TEK: variants seen among roughly 807,000 people sequenced by gnomAD.
TEK encodes TEK receptor tyrosine kinase.
TEK carries 43 observed loss-of-function variants against 131.8 expected under a neutral mutation model. That is an observed-to-expected ratio of 0.33 (90% confidence interval 0.26 to 0.42). The LOEUF (loss-of-function observed/expected upper bound fraction) is 0.42, where lower values mean the gene tolerates loss of function less well. TEK is among the 10% of genes least tolerant of loss of function. The pLI, the probability that TEK is intolerant of heterozygous loss-of-function variation, is 1.00. For synonymous variants in TEK, 580 were observed against 491.6 expected, an observed-to-expected ratio of 1.18 and a Z score of -2.38; for missense variants, 1,162 against 1,384.4, an observed-to-expected ratio of 0.84 and a Z score of 2.55.
At chr9:27,183,718 G>C (rs1824487463) in intron 8 of TEK, 108 bp downstream of exon 8, 4 of 1,443,898 alleles carry the variant, frequency 2.8e-6, no homozygotes, top group East Asian at 2.3e-5. Context: ...TCCTAGGCTA[G>C]TGTGTTGTTG....
intron 10 of TEK, 93 bp downstream of exon 10, chr9:27,190,783 A>G (rs1586992171): frequency 6.5e-6 from 10 of 1,528,496 alleles, no homozygotes; most frequent in Middle Eastern, 1.7e-4. Flanking sequence ...CCCTGCCTCA[A>G]TCCTCTACCT....
chr9:27,164,872 C>G (rs1159888515), intron 2 of TEK, among the ~76,000 whole-genome samples: 3 of 152,148 alleles, frequency 2.0e-5, no homozygotes, highest in African/African-American at 7.2e-5. Flanking sequence ...TATAACAGCA[C>G]TTGGTCCATA....
chr9:27,169,794 T>C (rs1309133446), intron 4 of TEK, among the ~76,000 whole-genome samples, 165 bp downstream of exon 4: 2 of 152,242 alleles, frequency 1.3e-5, no homozygotes, highest in East Asian at 3.8e-4. Flanking sequence ...GAATAAGAGA[T>C]AGCAATCATT....
chr9:27,146,096 C>A (rs955376380), intron 1 of TEK, among the ~76,000 whole-genome samples: 7 of 152,098 alleles, frequency 4.6e-5, no homozygotes, highest in Non-Finnish European at 8.8e-5. Flanking sequence ...CTTTATATTT[C>A]AAGGCTCATG....
intron 11 of TEK, among the ~76,000 whole-genome samples, chr9:27,192,857 G>A (rs1323100111): frequency 6.6e-6 from 1 of 152,164 alleles, no homozygotes; most frequent in Non-Finnish European, 1.5e-5. Flanking sequence ...GAGGAGGTCT[G>A]CAGCACTCTG....
intron 6 of TEK, among the ~76,000 whole-genome samples, chr9:27,179,908 C>T (rs1824298371): frequency 6.6e-6 from 1 of 152,158 alleles, no homozygotes; most frequent in South Asian, 2.1e-4. Flanking sequence ...AATTGGGAAA[C>T]ACATCATTCC....
intron 5 of TEK, 73 bp downstream of exon 5, chr9:27,172,820 T>A: frequency 6.3e-7 from 1 of 1,585,684 alleles, no homozygotes; most frequent in Non-Finnish European, 8.6e-7. Flanking sequence ...ATTTTAGATC[T>A]CGACACAGAT....
intron 1 of TEK, among the ~76,000 whole-genome samples, chr9:27,131,493 A>G (rs1188786433): frequency 1.3e-5 from 2 of 151,192 alleles, no homozygotes; most frequent in Non-Finnish European, 2.9e-5. Flanking sequence ...AAAAAAAAAA[A>G]AAAGTTATGA....
At chr9:27,150,769 A>G (rs1179547548) in intron 1 of TEK, among the ~76,000 whole-genome samples, 1 of 152,204 alleles carries the variant, frequency 6.6e-6, no homozygotes, top group African/African-American at 2.4e-5. Context: ...CGTTGTGTGG[A>G]TGCTCTGTCT....
intron 18 of TEK, among the ~76,000 whole-genome samples, chr9:27,216,148 G>C (rs1825813731): frequency 1.3e-5 from 2 of 152,180 alleles, no homozygotes; most frequent in South Asian, 4.1e-4. Flanking sequence ...AAGGATTTGG[G>C]ATCTTGGAAC....
intron 1 of TEK, among the ~76,000 whole-genome samples, chr9:27,153,606 G>C (rs1823213595): frequency 6.6e-6 from 1 of 152,220 alleles, no homozygotes; most frequent in African/African-American, 2.4e-5. Context: ...AATTTGATCA[G>C]AGCCTTTTAG....
intron 1 of TEK, among the ~76,000 whole-genome samples, chr9:27,148,877 C>T (rs1266326703): frequency 1.3e-5 from 2 of 152,094 alleles, no homozygotes; most frequent in African/African-American, 4.8e-5. Flanking sequence ...TCTACTTGGT[C>T]ATTTAACTTC....
intron 12 of TEK, among the ~76,000 whole-genome samples, chr9:27,202,428 A>G (rs185163199): frequency 1.7e-4 from 26 of 152,316 alleles, no homozygotes; most frequent in Non-Finnish European, 3.7e-4. Context: ...ACTTACAGAA[A>G]GATTGCTATG....
chr9:27,136,365 C>T (rs1245877645), intron 1 of TEK, among the ~76,000 whole-genome samples: 4 of 152,122 alleles, frequency 2.6e-5, no homozygotes, highest in Non-Finnish European at 5.9e-5. Context: ...CAGGCGTGAG[C>T]CACTGCGCCG....
intron 21 of TEK, among the ~76,000 whole-genome samples, chr9:27,226,261 A>G (rs972382412): frequency 6.6e-6 from 1 of 152,356 alleles, no homozygotes; most frequent in Non-Finnish European, 1.5e-5. Flanking sequence ...AAATCATTCT[A>G]CTATAAAGAC....
chr9:27,147,146 C>T (rs932940793), intron 1 of TEK, among the ~76,000 whole-genome samples: 1 of 152,102 alleles, frequency 6.6e-6, no homozygotes, highest in South Asian at 2.1e-4. Flanking sequence ...AACCAATTTC[C>T]ACAGTGGCTA....
At chr9:27,203,323 TC>T (rs1286205027) in intron 13 of TEK, among the ~76,000 whole-genome samples, 5 of 152,114 alleles carry the variant, frequency 3.3e-5, no homozygotes, top group Non-Finnish European at 5.9e-5. Flanking sequence ...TTAGAATAGA[TC>T]AGTCTATCAG....
At chr9:27,221,712 G>A (rs1169860598) in intron 21 of TEK, among the ~76,000 whole-genome samples, 1 of 152,192 alleles carries the variant, frequency 6.6e-6, no homozygotes, top group African/African-American at 2.4e-5. Flanking sequence ...GAAAGGAATA[G>A]TATCAACATC....
chr9:27,115,704 C>T (rs1037847272), intron 1 of TEK, among the ~76,000 whole-genome samples: 1 of 151,986 alleles, frequency 6.6e-6, no homozygotes, highest in African/African-American at 2.4e-5. Context: ...TTGCTCATAG[C>T]CAAATGATTT....
Sources: gnomAD v4.1 joint callset for allele counts (sites outside exome capture counted in the v4.1 genomes callset) on GRCh38, gnomAD v4.1.1 for gene constraint, MANE v1.5 for transcripts, NCBI Gene and HGNC (gene_info 2026-07-23, HGNC 2026-07-21) for gene names.